The following EOGT variants were observed in gnomAD, a reference collection of about 807,000 sequenced individuals.
EOGT encodes EGF domain specific O-linked N-acetylglucosamine transferase.
A neutral mutation model predicts 70.5 loss-of-function variants in EOGT; 55 were observed. The observed-to-expected ratio is 0.78, with a 90% CI of 0.63 to 0.98. The LOEUF is 0.98. EOGT is among the 50% of genes least tolerant of loss of function. The probability of loss-of-function intolerance (pLI) is 0.00; values close to 1 mark genes in which losing one functional copy is unlikely to be tolerated. For missense variants in EOGT, 703 were observed against 641.9 expected (o/e 1.10, Z -1.03); for synonymous variants, 246 against 217.1 (o/e 1.13, Z -1.17).
At chr3:69,012,941 A>T (rs1026672930) in intron 1 of EOGT, 142 bp from the exon 2 acceptor site, 1 of 152,230 alleles carries the variant, frequency 6.6e-6, no homozygotes, top group Admixed American at 6.5e-5. Flanking sequence ...GGGCAAATGG[A>T]AAGTTCAACA....
chr3:68,999,033 T>C (rs1465585035), intron 9 of EOGT, among the ~76,000 whole-genome samples: 1 of 152,202 alleles, frequency 6.6e-6, no homozygotes, highest in Admixed American at 6.5e-5. Flanking sequence ...TCTTGTGTTC[T>C]GATTGAAAGA....
chr3:68,985,843 C>A (rs952118473), intron 14 of EOGT, among the ~76,000 whole-genome samples: 20 of 152,358 alleles, frequency 1.3e-4, no homozygotes. Context: ...TATCCCCTTA[C>A]AGTTCTGCAG....
In EOGT at chr3:69,009,883, C is replaced by G. The variant is rs182514546; in HGVS notation, c.-14-23G>C. The G allele has an allele frequency of 1.8e-5, 25 of 1,408,632 alleles. No individual in the cohort carries two copies. In the Admixed American group the frequency reaches 4.7e-4, roughly 26 times the overall value. 87.3% of individuals were successfully genotyped at this position (1,408,632 alleles called of 1,614,324 possible). A position where few individuals can be genotyped will look rare whatever the true frequency, so the allele number is the denominator to read the frequency against. On this transcript the variant is annotated intron_variant, in intron 3 of 17. Coordinates refer to ENST00000383701, the MANE Select transcript of EOGT (RefSeq NM_001278689.2). ...AACCTAGAGATCAAAATGAAGACAA[C>G]TTTGTTAACAAATTTCCTTTAAAAG...
At chr3:69,004,994 C>A in intron 7 of EOGT, 146 bp downstream of exon 7, 1 of 523,580 alleles carries the variant, frequency 1.9e-6, no homozygotes, top group South Asian at 3.0e-5. Flanking sequence ...TTTGGGAGGT[C>A]ACAGCTGCAC....
At chr3:69,008,663 T>C (rs1333001950) in intron 4 of EOGT, 135 bp from the exon 5 acceptor site, 2 of 647,628 alleles carry the variant, frequency 3.1e-6, no homozygotes, top group Non-Finnish European at 5.3e-6. Flanking sequence ...TAACAATAAA[T>C]TTAAAACTTA....
Position 68,977,350 on chromosome 3 carries a change from G to T in EOGT, c.*268C>A. On this transcript the variant is annotated 3_prime_UTR_variant, in exon 18 of 18. Coordinates refer to ENST00000383701, the MANE Select transcript of EOGT (RefSeq NM_001278689.2). The stretch of plus-strand genomic sequence containing the variant: ...AAAAAAAAAAAAAGAAAGAAAGAAA[G>T]TTAAAGTATACTGGGGAGTCCATGC... 1 of 285,472 alleles carries T rather than the reference G, an allele frequency of 3.5e-6. No individual in the cohort carries two copies. Among genetic ancestry groups the T allele is most frequent in the Non-Finnish European group, 6.4e-6 (1 of 156,092 alleles). 17.7% of individuals were successfully genotyped at this position (285,472 alleles called of 1,614,324 possible).
intron 14 of EOGT, among the ~76,000 whole-genome samples, chr3:68,986,495 C>A (rs566653498): frequency 1.9e-4 from 29 of 152,316 alleles, no homozygotes; most frequent in African/African-American, 7.0e-4. Flanking sequence ...TTGGATATCG[C>A]CCCACCTCTC....
At chr3:68,994,609 T>C (rs2091093070) in intron 10 of EOGT, among the ~76,000 whole-genome samples, 1 of 152,100 alleles carries the variant, frequency 6.6e-6, no homozygotes, top group African/African-American at 2.4e-5. Context: ...CTGGTCAACA[T>C]GGTGAAACCC....
At chr3:68,979,179 C>A (rs1208196738) in intron 16 of EOGT, among the ~76,000 whole-genome samples, 1 of 152,194 alleles carries the variant, frequency 6.6e-6, no homozygotes, top group East Asian at 1.9e-4. Context: ...AAGGTCATGT[C>A]TCCATAAACC....
rs1264895862 is a variant in EOGT, at chr3:69,005,342, CACA to C, written c.421-111_421-109del. 3 of 563,576 alleles carry C rather than the reference CACA, an allele frequency of 5.3e-6. No individual in the cohort carries two copies. The African/African-American group carries it at 5.7e-5, about 11-fold the overall frequency. 34.9% of individuals were successfully genotyped at this position (563,576 alleles called of 1,614,324 possible). The stretch of plus-strand genomic sequence containing the variant: ...CACGGATACCCTCACATTCAAACCA[CACA>C]ACATGACAAGGAAAGCTCTCCAAAG... On this transcript the variant is annotated intron_variant, in intron 6 of 17. Transcript: ENST00000383701.
chr3:69,009,223 C>G (rs1209321796), intron 4 of EOGT, among the ~76,000 whole-genome samples: 1 of 152,184 alleles, frequency 6.6e-6, no homozygotes, highest in Non-Finnish European at 1.5e-5. Flanking sequence ...AAGAAAGCCA[C>G]AGTAACAGGC....
intron 9 of EOGT, 76 bp downstream of exon 9, chr3:69,001,528 CAGAG>C (rs1225503020): frequency 3.2e-6 from 3 of 932,648 alleles, no homozygotes; most frequent in African/African-American, 1.7e-5. Flanking sequence ...CCAAAAAATT[CAGAG>C]AGAATTACTA....
Position 68,988,968 on chromosome 3 carries a change from G to A in EOGT, c.881C>T (p.Thr294Ile). 3 of 1,532,184 alleles carry A rather than the reference G, an allele frequency of 2.0e-6. No homozygotes were observed. Among genetic ancestry groups the A allele is most frequent in the Non-Finnish European group, 2.6e-6 (3 of 1,144,888 alleles). 94.9% of individuals were successfully genotyped at this position (1,532,184 alleles called of 1,614,324 possible). ...DLFSDTWNAF[T>I]DYDVIHLKTY... The stretch of plus-strand genomic sequence containing the variant: ...TTTCAAATGTATAACGTCATAATCA[G>A]TAAATGCATTCCATGTGTCGGAGAA... The change falls in exon 11 of 18, where the codon ACT becomes ATT. Residue 294 changes from threonine (T) to isoleucine (I), a missense_variant. Coordinates refer to ENST00000383701, the MANE Select transcript of EOGT (RefSeq NM_001278689.2).
At position 69,000,334 on chromosome 3, in the gene EOGT, T is replaced by TTA. The variant is rs533201109; in HGVS notation, c.727+1272_727+1273dup. On this transcript the variant is annotated intron_variant, in intron 9 of 17. Transcript: ENST00000383701. Reference sequence around the variant, plus strand: ...TCTACTCTAGCCTATTATTCTCACTTTATATACTTTATTGTATAAGTATCT... The same window carrying TTA: ...TCTACTCTAGCCTATTATTCTCACTTTATATATACTTTATTGTATAAGTATCT... Among the ~76,000 whole-genome samples the TTA allele has an allele frequency of 3.8e-3, 575 of 152,352 alleles. 1 individual carries two copies. Among genetic ancestry groups the TTA allele is most frequent in the African/African-American group, 0.013 (551 of 41,586 alleles).
chr3:68,997,982 AC>A, intron 10 of EOGT, 28 bp downstream of exon 10: 2 of 1,248,852 alleles, frequency 1.6e-6, no homozygotes, highest in Non-Finnish European at 2.3e-6. Context: ...GAAAGACAGT[AC>A]TGAAGCGGAG....
At position 68,979,758 on chromosome 3, in the gene EOGT, A is replaced by T; in HGVS notation, c.1244T>A (p.Ile415Asn). The part of the protein sequence containing the change: ...RELGFLDQLR[I>N]THNTDIFIGM... ...AATAAATATGTCCGTGTTGTGTGTG[A>T]TCCTTAGTTGATCTAAAAACCCAAG... Residue 415 changes from isoleucine (I) to asparagine (N), a missense_variant, in exon 16 of 18, where the codon ATC (isoleucine) becomes AAC (asparagine). Transcript: ENST00000383701. The T allele has an allele frequency of 6.2e-7, 1 of 1,613,652 alleles. No homozygotes were observed. The highest frequency in any genetic ancestry group is 8.5e-7 in the Non-Finnish European group (1 of 1,179,676).
At chr3:68,982,453 G>A (rs1310654923) in intron 15 of EOGT, among the ~76,000 whole-genome samples, 1 of 152,154 alleles carries the variant, frequency 6.6e-6, no homozygotes, top group African/African-American at 2.4e-5. Flanking sequence ...CCAGGAGGTG[G>A]AGGTTGCAGT....
intron 10 of EOGT, among the ~76,000 whole-genome samples, chr3:68,993,168 C>T (rs750437565): frequency 2.0e-5 from 3 of 152,204 alleles, no homozygotes; most frequent in Non-Finnish European, 2.9e-5. Flanking sequence ...ACTTGAAATT[C>T]TCCCCAGAAA....
intron 14 of EOGT, 47 bp downstream of exon 14, chr3:68,987,398 C>T (rs774771385): frequency 7.9e-7 from 1 of 1,267,874 alleles, no homozygotes; most frequent in Non-Finnish European, 1.1e-6. Flanking sequence ...ACAATTTGCT[C>T]TATGAATTGA....
Sources: allele counts gnomAD v4.1 joint callset (sites outside exome capture counted in the v4.1 genomes callset), GRCh38; gene constraint gnomAD v4.1.1; transcripts MANE v1.5; gene names NCBI Gene and HGNC (gene_info 2026-07-23, HGNC 2026-07-21).